Variants in PRR16 observed in about 807,000 individuals in gnomAD.
PRR16 encodes proline rich 16, also known as protein Largen.
A neutral mutation model predicts 18.2 loss-of-function variants in PRR16; 6 were observed. That is an observed-to-expected ratio of 0.33 (90% confidence interval 0.18 to 0.65). PRR16 has a LOEUF of 0.65. Ranked by LOEUF, PRR16 falls within the 30% of genes least tolerant of loss-of-function variation. PRR16 has a pLI of 0.74. For missense variants in PRR16, 412 were observed against 376.6 expected (o/e 1.09, Z -0.78); for synonymous variants, 151 against 147.8 (o/e 1.02, Z -0.16).
chr5:120,756,873 C>G, the PRR16 span, among the ~76,000 whole-genome samples: 26 of 152,054 alleles, frequency 1.7e-4, no homozygotes, highest in Non-Finnish European at 8.8e-5. Context: ...TTCCCAAGGA[C>G]AATATCCAGA....
At chr5:120,750,740 A>G in the PRR16 span, among the ~76,000 whole-genome samples, 5 of 152,126 alleles carry the variant, frequency 3.3e-5, no homozygotes, top group Non-Finnish European at 7.4e-5. Flanking sequence ...ATAAGAATTC[A>G]ATGTATAATG....
At chr5:120,512,560 A>G (rs775319186) in intron 1 of PRR16, among the ~76,000 whole-genome samples, 15 of 152,180 alleles carry the variant, frequency 9.9e-5, no homozygotes, top group Non-Finnish European at 2.1e-4. Context: ...GACTAGAATC[A>G]TATGTTTTCC....
chr5:120,691,008 T>TATAA (rs1757202765), downstream of PRR16, among the ~76,000 whole-genome samples: 1 of 152,180 alleles, frequency 6.6e-6, no homozygotes, highest in Non-Finnish European at 1.5e-5. Flanking sequence ...ATTTATAACT[T>TATAA]CTAGACTCAT....
intron 1 of PRR16, among the ~76,000 whole-genome samples, chr5:120,472,043 CT>C (rs747315275): frequency 5.3e-5 from 8 of 152,060 alleles, no homozygotes; most frequent in Non-Finnish European, 8.8e-5. Flanking sequence ...TATTCATCAT[CT>C]TTGTTTTCTC....
intron 1 of PRR16, among the ~76,000 whole-genome samples, chr5:120,532,395 C>G (rs1222190384): frequency 6.6e-6 from 1 of 151,918 alleles, no homozygotes; most frequent in Admixed American, 6.6e-5. Context: ...TAGCTTTTAT[C>G]AAGGACTAGT....
At chr5:120,472,723 G>A (rs1463551012) in intron 1 of PRR16, among the ~76,000 whole-genome samples, 1 of 152,028 alleles carries the variant, frequency 6.6e-6, no homozygotes, top group African/African-American at 2.4e-5. Context: ...TTTTTATGTA[G>A]GGGAAAAAAA....
At chr5:120,501,245 A>C (rs1580654878) in intron 1 of PRR16, among the ~76,000 whole-genome samples, 1 of 152,232 alleles carries the variant, frequency 6.6e-6, no homozygotes, top group Non-Finnish European at 1.5e-5. Flanking sequence ...TAATTTAATA[A>C]CACAAATTAA....
At chr5:120,634,702 A>G (rs1755170265) in intron 1 of PRR16, among the ~76,000 whole-genome samples, 2 of 152,170 alleles carry the variant, frequency 1.3e-5, no homozygotes, top group South Asian at 2.1e-4. Context: ...ACTTCATGAA[A>G]TTGGAGAAAC....
At chr5:120,739,106 ATG>A in the PRR16 span, among the ~76,000 whole-genome samples, 6 of 152,304 alleles carry the variant, frequency 3.9e-5, no homozygotes, top group East Asian at 9.6e-4. Flanking sequence ...AAGTGGAATA[ATG>A]AGGCAGGTAT....
intron 1 of PRR16, among the ~76,000 whole-genome samples, chr5:120,564,988 GA>G (rs34900155): frequency 0.17 from 15,862 of 91,892 alleles, 889 homozygotes; most frequent in Middle Eastern, 0.24. Flanking sequence ...TCTGTTTCCA[GA>G]AAAAAAAAAA....
intron 1 of PRR16, among the ~76,000 whole-genome samples, chr5:120,510,399 C>G (rs1250238487): frequency 6.6e-6 from 1 of 152,204 alleles, no homozygotes; most frequent in Non-Finnish European, 1.5e-5. Context: ...ACAGTTGAAA[C>G]TGCTCCTTAG....
chr5:120,753,812 T>C, the PRR16 span, among the ~76,000 whole-genome samples: 2 of 140,728 alleles, frequency 1.4e-5, no homozygotes, highest in African/African-American at 2.6e-5. Flanking sequence ...CCTTGAGTTT[T>C]ATTATATATT....
chr5:120,769,051 GTGTCCTC>G, the PRR16 span, among the ~76,000 whole-genome samples: 1 of 150,942 alleles, frequency 6.6e-6, no homozygotes, highest in Non-Finnish European at 1.5e-5. Flanking sequence ...ATACTTCTCA[GTGTCCTC>G]AAATTAAGAT....
At chr5:120,707,748 G>A in the PRR16 span, among the ~76,000 whole-genome samples, 1 of 152,138 alleles carries the variant, frequency 6.6e-6, no homozygotes, top group Non-Finnish European at 1.5e-5. Flanking sequence ...AAGAAGAAAA[G>A]AACAAGTAAA....
At chr5:120,543,052 A>G (rs563340330) in intron 1 of PRR16, among the ~76,000 whole-genome samples, 1 of 152,142 alleles carries the variant, frequency 6.6e-6, no homozygotes, top group Non-Finnish European at 1.5e-5. Context: ...CTTTTAAATA[A>G]TTCATCTGAT....
At chr5:120,499,404 G>A (rs957652512) in intron 1 of PRR16, among the ~76,000 whole-genome samples, 3 of 151,948 alleles carry the variant, frequency 2.0e-5, no homozygotes, top group Non-Finnish European at 4.4e-5. Context: ...CTTTGATTAT[G>A]GTCCATGGAT....
intron 1 of PRR16, among the ~76,000 whole-genome samples, chr5:120,541,183 G>T (rs1751903029): frequency 6.6e-6 from 1 of 152,130 alleles, no homozygotes; most frequent in Admixed American, 6.5e-5. Flanking sequence ...GTCTCAGTCT[G>T]TCATCCAGGT....
At chr5:120,664,704 A>G (rs1470151991) in intron 1 of PRR16, among the ~76,000 whole-genome samples, 1 of 151,602 alleles carries the variant, frequency 6.6e-6, no homozygotes, top group East Asian at 1.9e-4. Context: ...GAGAACATGC[A>G]GTGTTTGGTT....
At chr5:120,490,920 C>T (rs983083642) in intron 1 of PRR16, among the ~76,000 whole-genome samples, 3 of 152,166 alleles carry the variant, frequency 2.0e-5, no homozygotes, top group African/African-American at 7.2e-5. Flanking sequence ...GAGGTCCACT[C>T]CAGACCCTGT....
Sources: allele counts gnomAD v4.1 joint callset (sites outside exome capture counted in the v4.1 genomes callset), GRCh38; gene constraint gnomAD v4.1.1; transcripts MANE v1.5; gene names NCBI Gene and HGNC (gene_info 2026-07-23, HGNC 2026-07-21).